PTPRR: variants seen among roughly 807,000 people sequenced by gnomAD.
PTPRR encodes the protein protein tyrosine phosphatase receptor type R, also known as receptor-type tyrosine-protein phosphatase R.
PTPRR carries 38 observed loss-of-function variants against 77.2 expected under a neutral mutation model. The ratio of observed to expected loss-of-function variants is 0.49; its 90% CI spans 0.38 to 0.65. The LOEUF (loss-of-function observed/expected upper bound fraction) is 0.65, where lower values mean the gene tolerates loss of function less well. PTPRR is among the 30% of genes least tolerant of loss of function. The pLI is 0.00. For synonymous variants in PTPRR, 299 were observed against 283.1 expected, an observed-to-expected ratio of 1.06 and a Z score of -0.57; for missense variants, 744 against 799.2, an observed-to-expected ratio of 0.93 and a Z score of 0.83.
chr12:70,805,818 G>A (rs773024045), intron 2 of PTPRR, among the ~76,000 whole-genome samples: 1 of 152,176 alleles, frequency 6.6e-6, no homozygotes, highest in Non-Finnish European at 1.5e-5. Flanking sequence ...TTGTAGAGTT[G>A]AAATTTAAAC....
Position 70,694,204 on chromosome 12 carries a change from A to AAGGAAACATAATTTAAGT in PTPRR, c.1279+4043_1279+4060dup, listed in dbSNP as rs1248418720. 2.6e-5 allele frequency among the ~76,000 whole-genome samples: 4 copies of AAGGAAACATAATTTAAGT among 152,204 alleles called. No homozygotes were observed. The East Asian group carries it at 7.7e-4, about 29-fold the overall frequency. On this transcript the variant is annotated intron_variant, in intron 8 of 13. Coordinates refer to ENST00000283228, the MANE Select transcript of PTPRR (RefSeq NM_002849.4). The stretch of plus-strand genomic sequence containing the variant: ...GTGCTAGGTACTTTATATAATAAAA[A>AAGGAAACATAATTTAAGT]AGGAAACATAATTTAAGTAGGAAAC...
intron 10 of PTPRR, among the ~76,000 whole-genome samples, chr12:70,673,895 T>C (rs1487126547): frequency 6.6e-6 from 1 of 152,188 alleles, no homozygotes; most frequent in Non-Finnish European, 1.5e-5. Flanking sequence ...CCTATTTTAT[T>C]AGACTTCAAA....
In PTPRR at chr12:70,672,128, G is replaced by A. The variant is rs925246160; in HGVS notation, c.1498-9523C>T. ...CCCCAAAATGATGACACAGTTCCTA[G>A]AGCAGGGAGAGGCCATCCTCTCAGT... On this transcript the variant is annotated intron_variant, in intron 10 of 13. Coordinates refer to ENST00000283228, the MANE Select transcript of PTPRR (RefSeq NM_002849.4). 1.3e-5 allele frequency: 18 copies of A among 1,406,924 alleles called. No individual in the cohort carries two copies. In the African/African-American group the frequency reaches 2.3e-4, roughly 18 times the overall value. 87.2% of individuals were successfully genotyped at this position (1,406,924 alleles called of 1,614,324 possible). A position where few individuals can be genotyped will look rare whatever the true frequency, so the allele number is the denominator to read the frequency against.
chr12:70,826,248 G>A (rs2470370), intron 2 of PTPRR, among the ~76,000 whole-genome samples: 7,866 of 152,194 alleles, frequency 0.052, 679 homozygotes, highest in African/African-American at 0.18. Flanking sequence ...CAATTAATCC[G>A]GAAATGGAAT....
chr12:70,754,740 A>G (rs764907057), intron 4 of PTPRR: 3 of 1,566,436 alleles, frequency 1.9e-6, no homozygotes, highest in Non-Finnish European at 2.6e-6. Flanking sequence ...ACAAGTGCAA[A>G]CAAAAGCTTG....
At chr12:70,736,498 G>A (rs1402989209) in intron 6 of PTPRR, among the ~76,000 whole-genome samples, 3 of 152,074 alleles carry the variant, frequency 2.0e-5, no homozygotes, top group Non-Finnish European at 4.4e-5. Context: ...AATACTGCTT[G>A]GGTTCGCATT....
intron 10 of PTPRR, among the ~76,000 whole-genome samples, chr12:70,678,449 A>AT (rs140855742): frequency 0.045 from 6,783 of 151,234 alleles, 232 homozygotes; most frequent in South Asian, 0.11. Context: ...GAATTTATTC[A>AT]TTTTTTTTTA....
At chr12:70,905,702 C>A (rs1893611099) in intron 1 of PTPRR, among the ~76,000 whole-genome samples, 2 of 151,786 alleles carry the variant, frequency 1.3e-5, no homozygotes, top group Non-Finnish European at 3.0e-5. Context: ...GTTGGTTATT[C>A]CTGAATGCAT....
intron 1 of PTPRR, among the ~76,000 whole-genome samples, chr12:70,896,198 T>C (rs1893425433): frequency 1.3e-5 from 2 of 151,550 alleles, no homozygotes; most frequent in Admixed American, 6.6e-5. Flanking sequence ...TTCCTAAATA[T>C]ATATGCATCA....
At chr12:70,812,618 C>T (rs1380213625) in intron 2 of PTPRR, among the ~76,000 whole-genome samples, 1 of 152,162 alleles carries the variant, frequency 6.6e-6, no homozygotes, top group Admixed American at 6.5e-5. Flanking sequence ...CTATTAATGA[C>T]AAGAAGAAAA....
intron 2 of PTPRR, chr12:70,789,000 C>T (rs1037552413): frequency 2.6e-6 from 2 of 769,300 alleles, no homozygotes; most frequent in Non-Finnish European, 1.9e-6. Flanking sequence ...CACTGCGGAT[C>T]CCAGGTCTAC....
intron 2 of PTPRR, among the ~76,000 whole-genome samples, chr12:70,854,615 C>A (rs1892623001): frequency 6.6e-6 from 1 of 152,150 alleles, no homozygotes; most frequent in South Asian, 2.1e-4. Context: ...TTTCTGTTTC[C>A]TTTCATGGAT....
At chr12:70,717,848 T>G (rs1889091024) in intron 6 of PTPRR, among the ~76,000 whole-genome samples, 1 of 152,210 alleles carries the variant, frequency 6.6e-6, no homozygotes, top group African/African-American at 2.4e-5. Context: ...AATGAATTAT[T>G]TCTTCTGTTT....
At chr12:70,755,545 T>G (rs758827928) in intron 4 of PTPRR, among the ~76,000 whole-genome samples, 5 of 152,150 alleles carry the variant, frequency 3.3e-5, no homozygotes, top group Non-Finnish European at 5.9e-5. Flanking sequence ...CAATTGTGAT[T>G]ACAAAAATTA....
chr12:70,712,548 G>A (rs1888863277), intron 6 of PTPRR, among the ~76,000 whole-genome samples: 1 of 150,338 alleles, frequency 6.7e-6, no homozygotes, highest in African/African-American at 2.4e-5. Flanking sequence ...ACCAGATGAA[G>A]TAAAGAGTTT....
intron 2 of PTPRR, among the ~76,000 whole-genome samples, chr12:70,858,350 A>G (rs76076566): frequency 0.015 from 2,218 of 152,160 alleles, 65 homozygotes; most frequent in African/African-American, 0.05. Context: ...TAGGATGGAC[A>G]CTGACACAGG....
At chr12:70,875,954 T>C (rs1893044594) in intron 2 of PTPRR, among the ~76,000 whole-genome samples, 1 of 152,130 alleles carries the variant, frequency 6.6e-6, no homozygotes, top group Non-Finnish European at 1.5e-5. Flanking sequence ...AGGAAAGCAG[T>C]AATGAGGTAC....
intron 10 of PTPRR, among the ~76,000 whole-genome samples, chr12:70,666,962 T>G (rs1306142027): frequency 1.7e-5 from 2 of 115,466 alleles, no homozygotes; most frequent in East Asian, 3.0e-4. Context: ...TTTTTTTTTT[T>G]TTTTTTTTTT....
Position 70,881,482 on chromosome 12 carries a change from C to T in PTPRR, c.357+11197G>A, listed in dbSNP as rs938066445. Among the ~76,000 whole-genome samples, 17 of 152,138 alleles carry T rather than the reference C, an allele frequency of 1.1e-4. 1 individual carries two copies. The highest frequency in any genetic ancestry group is 3.9e-4 in the African/African-American group (16 of 41,434). ...GTAGAAATTGTTTGTGAACATTTGGCCTATCCCCTCAAAAATGGGCCTTTT... is the reference window on the plus strand; with the variant it reads ...GTAGAAATTGTTTGTGAACATTTGGTCTATCCCCTCAAAAATGGGCCTTTT... On this transcript the variant is annotated intron_variant, in intron 2 of 13. Coordinates refer to ENST00000283228, the MANE Select transcript of PTPRR (RefSeq NM_002849.4).
Sources: allele counts gnomAD v4.1 joint callset (sites outside exome capture counted in the v4.1 genomes callset), GRCh38; gene constraint gnomAD v4.1.1; transcripts MANE v1.5; gene names NCBI Gene and HGNC (gene_info 2026-07-23, HGNC 2026-07-21).